The following NRG3 variants were observed in gnomAD, a reference collection of about 807,000 sequenced individuals.
The protein encoded by NRG3 is neuregulin 3, also known as pro-neuregulin-3, membrane-bound isoform.
A neutral mutation model predicts 66.9 loss-of-function variants in NRG3; 31 were observed. That is an observed-to-expected ratio of 0.46 (90% CI 0.35 to 0.63). NRG3 has a LOEUF of 0.63. NRG3 is among the 20% of genes least tolerant of loss of function. The pLI is 0.00. For missense variants in NRG3, 910 were observed against 878.9 expected, an observed-to-expected ratio of 1.04 and a Z score of -0.45; for synonymous variants, 393 against 359.4, an observed-to-expected ratio of 1.09 and a Z score of -1.06.
At chr10:82,296,709 G>A (rs1396888265) in intron 1 of NRG3, among the ~76,000 whole-genome samples, 3 of 148,684 alleles carry the variant, frequency 2.0e-5, no homozygotes. Context: ...ACAATACATT[G>A]TTGTTAACTA....
chr10:82,234,420 A>G (rs193125115), intron 1 of NRG3, among the ~76,000 whole-genome samples: 10 of 152,188 alleles, frequency 6.6e-5, no homozygotes, highest in African/African-American at 2.4e-5. Context: ...TTGCGATTAC[A>G]TTTACTTGTG....
chr10:82,737,832 A>G (rs1398987148), intron 2 of NRG3, among the ~76,000 whole-genome samples: 6 of 152,202 alleles, frequency 3.9e-5, no homozygotes, highest in African/African-American at 9.6e-5. Context: ...CGGCGGGGGC[A>G]TGCCTCCTTT....
intron 3 of NRG3, among the ~76,000 whole-genome samples, chr10:82,805,189 C>T (rs879304369): frequency 1.3e-5 from 2 of 152,154 alleles, no homozygotes; most frequent in African/African-American, 2.4e-5. Context: ...AAGACCATCC[C>T]TTTGAGTGGT....
intron 2 of NRG3, among the ~76,000 whole-genome samples, chr10:82,407,353 T>A (rs775956284): frequency 6.6e-6 from 1 of 152,134 alleles, no homozygotes; most frequent in African/African-American, 2.4e-5. Flanking sequence ...ATGGGTGGGA[T>A]ACAGAAGTAA....
At chr10:82,185,737 T>C (rs2073763174) in intron 1 of NRG3, among the ~76,000 whole-genome samples, 1 of 152,202 alleles carries the variant, frequency 6.6e-6, no homozygotes, top group South Asian at 2.1e-4. Context: ...TTACTGAACA[T>C]TACTGTTGAC....
chr10:82,225,385 C>G (rs1193200493), intron 1 of NRG3: 2 of 152,202 alleles, frequency 1.3e-5, no homozygotes, highest in South Asian at 2.1e-4. Flanking sequence ...AATTATTTCT[C>G]ATGCACATAG....
chr10:82,652,009 A>G (rs1195740053), intron 2 of NRG3, among the ~76,000 whole-genome samples: 2 of 152,200 alleles, frequency 1.3e-5, no homozygotes, highest in African/African-American at 4.8e-5. Flanking sequence ...TGAGGCAGGA[A>G]CTGGAGTGCA....
At position 82,861,183 on chromosome 10, in the gene NRG3, TGAGA is replaced by T. The variant is rs1194932479; in HGVS notation, c.1028-4219_1028-4216del. On this transcript the variant is annotated intron_variant, in intron 3 of 8. Coordinates refer to ENST00000372141, the MANE Select transcript of NRG3 (RefSeq NM_001010848.4). ...GTGTGTGTATTCATGACAAAGAAAG[TGAGA>T]GAGAGAGAAAGAAAGAGAAAAATAA... Among the ~76,000 whole-genome samples the T allele has an allele frequency of 3.3e-5, 5 of 151,648 alleles. No individual in the cohort carries two copies. The East Asian group carries it at 9.7e-4, about 29-fold the overall frequency.
intron 1 of NRG3, among the ~76,000 whole-genome samples, chr10:81,932,856 C>G (rs1425379710): frequency 2.0e-5 from 3 of 151,980 alleles, no homozygotes; most frequent in Admixed American, 2.0e-4. Context: ...TGCCTGTAAT[C>G]CCAGCACTTT....
chr10:82,356,897 G>A (rs995472745), intron 1 of NRG3, among the ~76,000 whole-genome samples: 1 of 152,176 alleles, frequency 6.6e-6, no homozygotes, highest in African/African-American at 2.4e-5. Flanking sequence ...AATTGTTGAT[G>A]TTAGAGAGAT....
At chr10:82,774,960 G>A (rs572699772) in intron 3 of NRG3, among the ~76,000 whole-genome samples, 3 of 150,732 alleles carry the variant, frequency 2.0e-5, no homozygotes, top group Non-Finnish European at 4.4e-5. Context: ...CTGAGTAGCT[G>A]GGATTATAGG....
chr10:82,295,061 G>A (rs1177761490), intron 1 of NRG3, among the ~76,000 whole-genome samples: 4 of 138,756 alleles, frequency 2.9e-5, no homozygotes, highest in Non-Finnish European at 5.9e-5. Flanking sequence ...TGTGCTATTT[G>A]CTGACTAATG....
intron 2 of NRG3, among the ~76,000 whole-genome samples, chr10:82,569,995 A>G (rs140916448): frequency 6.7e-4 from 101 of 151,712 alleles, no homozygotes; most frequent in Middle Eastern, 3.4e-3. Context: ...AAGTGTTAAA[A>G]TCTAGGTTTT....
intron 7 of NRG3, among the ~76,000 whole-genome samples, chr10:82,975,154 C>A (rs1852132474): frequency 6.6e-6 from 1 of 152,176 alleles, no homozygotes; most frequent in South Asian, 2.1e-4. Flanking sequence ...AAGAGCATTT[C>A]ATTTCACTGG....
chr10:82,278,764 A>T (rs1327573215), intron 1 of NRG3, among the ~76,000 whole-genome samples: 1 of 152,102 alleles, frequency 6.6e-6, no homozygotes, highest in Non-Finnish European at 1.5e-5. Context: ...TGTATTCTAT[A>T]CATGGCCTGG....
At chr10:81,964,606 T>A (rs2059660798) in intron 1 of NRG3, among the ~76,000 whole-genome samples, 1 of 152,170 alleles carries the variant, frequency 6.6e-6, no homozygotes, top group Non-Finnish European at 1.5e-5. Flanking sequence ...TGGGTGAGTA[T>A]GTGACCCTGT....
intron 2 of NRG3, among the ~76,000 whole-genome samples, chr10:82,622,855 A>G (rs943872101): frequency 2.0e-5 from 3 of 152,202 alleles, no homozygotes; most frequent in Non-Finnish European, 2.9e-5. Flanking sequence ...TCGCCCAACT[A>G]TAGGCAAGTG....
chr10:82,095,027 T>G (rs1312458800), intron 1 of NRG3, among the ~76,000 whole-genome samples: 1 of 152,096 alleles, frequency 6.6e-6, no homozygotes, highest in East Asian at 1.9e-4. Flanking sequence ...CCCCATAAAT[T>G]TATACAATTT....
At position 82,280,341 on chromosome 10, in the gene NRG3, G is replaced by T. The variant is rs572212460; in HGVS notation, c.824-78398G>T. Among the ~76,000 whole-genome samples the T allele has an allele frequency of 5.3e-5, 8 of 151,778 alleles. No individual in the cohort carries two copies. The East Asian group carries it at 9.7e-4, about 18-fold the overall frequency. On this transcript the variant is annotated intron_variant, in intron 1 of 8. Coordinates refer to ENST00000372141, the MANE Select transcript of NRG3 (RefSeq NM_001010848.4). ...ATCAAGTGACAATTTTTTTTTTGGT[G>T]TGCTGCCAACTGGCAGAGCCTTTTG...
Sources: gnomAD v4.1 joint callset for allele counts (sites outside exome capture counted in the v4.1 genomes callset) on GRCh38, gnomAD v4.1.1 for gene constraint, MANE v1.5 for transcripts, NCBI Gene and HGNC (gene_info 2026-07-23, HGNC 2026-07-21) for gene names.